Variants in MDGA2 observed in about 807,000 individuals in gnomAD.
The protein encoded by MDGA2 is MAM domain-containing glycosylphosphatidylinositol anchor protein 2.
MDGA2 carries 40 observed loss-of-function variants against 117.8 expected under a neutral mutation model. That is an observed-to-expected ratio of 0.34 (90% CI 0.26 to 0.44). The LOEUF is 0.44. MDGA2 is among the 20% of genes least tolerant of loss of function. The pLI, the probability that MDGA2 is intolerant of heterozygous loss-of-function variation, is 1.00. For missense variants in MDGA2, 1,123 were observed against 1,250.6 expected (o/e 0.90, Z 1.54); for synonymous variants, 452 against 439.0 (o/e 1.03, Z -0.37).
At chr14:47,135,422 A>C (rs1882405032) in intron 4 of MDGA2, among the ~76,000 whole-genome samples, 1 of 152,154 alleles carries the variant, frequency 6.6e-6, no homozygotes, top group African/African-American at 2.4e-5. Flanking sequence ...ATAGTATTAT[A>C]ATTAATAAAT....
chr14:47,249,164 C>G (rs112363524), intron 2 of MDGA2, among the ~76,000 whole-genome samples: 1 of 151,692 alleles, frequency 6.6e-6, no homozygotes, highest in Non-Finnish European at 1.5e-5. Context: ...ACTACAGGCA[C>G]GCACCACCAT....
chr14:47,141,450 T>A lies in MDGA2; in HGVS notation c.792+2628A>T, dbSNP rs1184793331. 1.3e-5 allele frequency among the ~76,000 whole-genome samples: 2 copies of A among 152,312 alleles called. 1 individual carries two copies. Among genetic ancestry groups the A allele is most frequent in the South Asian group, 4.1e-4 (2 of 4,824 alleles). The stretch of plus-strand genomic sequence containing the variant: ...AATGTGGAATATGTACATAATGGAA[T>A]ACTATTCAGCTATGAAATAATGAAT... On this transcript the variant is annotated intron_variant, in intron 4 of 16. Transcript: ENST00000399232.
chr14:47,465,349 A>C (rs1317543160), intron 1 of MDGA2, among the ~76,000 whole-genome samples: 4 of 152,212 alleles, frequency 2.6e-5, no homozygotes, highest in African/African-American at 4.8e-5. Flanking sequence ...AATTGAACTC[A>C]AGAGCTTCTG....
intron 8 of MDGA2, among the ~76,000 whole-genome samples, chr14:47,030,704 G>A (rs1456995135): frequency 6.6e-6 from 1 of 151,920 alleles, no homozygotes; most frequent in Non-Finnish European, 1.5e-5. Flanking sequence ...TCCAAAAAAT[G>A]GGAATAAATT....
chr14:47,345,291 G>C (rs1044080692), intron 1 of MDGA2, among the ~76,000 whole-genome samples: 10 of 152,164 alleles, frequency 6.6e-5, no homozygotes, highest in African/African-American at 2.4e-4. Context: ...ATGGTCTTCA[G>C]CCTGTCCCCT....
intron 2 of MDGA2, among the ~76,000 whole-genome samples, chr14:47,239,381 A>C (rs2139599710): frequency 6.6e-6 from 1 of 151,876 alleles, no homozygotes; most frequent in Non-Finnish European, 1.5e-5. Flanking sequence ...GTCTAATATA[A>C]ATTACTGTAC....
chr14:47,482,972 T>G (rs1033291459), intron 1 of MDGA2, among the ~76,000 whole-genome samples: 2 of 151,838 alleles, frequency 1.3e-5, no homozygotes, highest in Non-Finnish European at 2.9e-5. Flanking sequence ...CCCCATACCA[T>G]GCCCTTCTAA....
intron 2 of MDGA2, among the ~76,000 whole-genome samples, chr14:47,236,162 G>C (rs1225407930): frequency 6.6e-6 from 1 of 151,554 alleles, no homozygotes; most frequent in Non-Finnish European, 1.5e-5. Context: ...ATAGTGGCGG[G>C]CGCCTGTAGT....
At chr14:47,580,051 C>A (rs1594927766) in intron 1 of MDGA2, among the ~76,000 whole-genome samples, 1 of 151,996 alleles carries the variant, frequency 6.6e-6, no homozygotes, top group Admixed American at 6.6e-5. Context: ...TTGTCAAATT[C>A]ACACCCCAAT....
intron 8 of MDGA2, among the ~76,000 whole-genome samples, chr14:47,013,772 G>GTATATA (rs71448157): frequency 0.16 from 14,668 of 93,480 alleles, 2,474 homozygotes; most frequent in African/African-American, 0.25. Flanking sequence ...TAATTTCCTT[G>GTATATA]TATATATATA....
intron 1 of MDGA2, among the ~76,000 whole-genome samples, chr14:47,436,520 T>G (rs1449901492): frequency 2.0e-5 from 3 of 152,088 alleles, no homozygotes; most frequent in Admixed American, 6.5e-5. Flanking sequence ...TGCCATACTC[T>G]CTGGGTGAAC....
intron 1 of MDGA2, among the ~76,000 whole-genome samples, chr14:47,667,731 A>C (rs1898001055): frequency 6.6e-6 from 1 of 152,096 alleles, no homozygotes; most frequent in Admixed American, 6.6e-5. Context: ...CTGTGAACAA[A>C]CCCTTCCTCT....
intron 1 of MDGA2, among the ~76,000 whole-genome samples, chr14:47,612,697 T>C (rs1054360315): frequency 1.3e-5 from 2 of 152,204 alleles, no homozygotes; most frequent in African/African-American, 2.4e-5. Context: ...AAGCTATCTA[T>C]ACTTTGTTTT....
chr14:47,500,275 C>T (rs1397585972), intron 1 of MDGA2, among the ~76,000 whole-genome samples: 2 of 151,946 alleles, frequency 1.3e-5, no homozygotes, highest in Non-Finnish European at 2.9e-5. Flanking sequence ...AGGCCTCAGC[C>T]CGTAACAGGA....
chr14:47,660,522 G>C (rs1897825439), intron 1 of MDGA2, among the ~76,000 whole-genome samples: 1 of 152,186 alleles, frequency 6.6e-6, no homozygotes, highest in South Asian at 2.1e-4. Flanking sequence ...TCAGCTAAGA[G>C]AAGGGCAGAG....
rs561186706 is a variant in MDGA2 at position 47,574,120 on chromosome 14, G to A, written c.280+100397C>T. Among the ~76,000 whole-genome samples the A allele has an allele frequency of 3.9e-5, 6 of 152,274 alleles. No homozygotes were observed. In the East Asian group the frequency reaches 5.8e-4, roughly 15 times the overall value. On this transcript the variant is annotated intron_variant, in intron 1 of 16. Transcript: ENST00000399232. The stretch of plus-strand genomic sequence containing the variant: ...GAGAAGAAAATGGGTTCTGTGGATC[G>A]TGGCTTTTTTTACATGCTAGAGTCA...
At chr14:47,621,393 T>G (rs1897047724) in intron 1 of MDGA2, among the ~76,000 whole-genome samples, 1 of 152,236 alleles carries the variant, frequency 6.6e-6, no homozygotes, top group African/African-American at 2.4e-5. Flanking sequence ...ACTTGCTCTA[T>G]TGCCCAGGCT....
chr14:47,461,377 T>A (rs1241480705), intron 1 of MDGA2, among the ~76,000 whole-genome samples: 4 of 151,570 alleles, frequency 2.6e-5, no homozygotes, highest in Non-Finnish European at 5.9e-5. Flanking sequence ...TGGTCAAACT[T>A]GTTACTCAAA....
chr14:47,044,301 A>C (rs1403967395), intron 7 of MDGA2, among the ~76,000 whole-genome samples: 1 of 152,198 alleles, frequency 6.6e-6, no homozygotes, highest in Non-Finnish European at 1.5e-5. Context: ...ATGTTAGTAC[A>C]TCTACTAGAC....
Sources: allele counts gnomAD v4.1 joint callset (sites outside exome capture counted in the v4.1 genomes callset), GRCh38; gene constraint gnomAD v4.1.1; transcripts MANE v1.5; gene names NCBI Gene and HGNC (gene_info 2026-07-23, HGNC 2026-07-21).